Variants in PPP3CB observed in about 807,000 individuals in gnomAD.
PPP3CB encodes the protein protein phosphatase 3 catalytic subunit beta.
PPP3CB carries 8 observed loss-of-function variants against 66.4 expected under a neutral mutation model. The ratio of observed to expected loss-of-function variants is 0.12; its 90% CI spans 0.07 to 0.22. PPP3CB has a LOEUF of 0.22. PPP3CB is among the 10% of genes least tolerant of loss of function. The pLI is 1.00. For missense variants in PPP3CB, 319 were observed against 642.5 expected, an observed-to-expected ratio of 0.50 and a Z score of 5.44; for synonymous variants, 208 against 221.2, an observed-to-expected ratio of 0.94 and a Z score of 0.53.
intron 8 of PPP3CB, among the ~76,000 whole-genome samples, chr10:73,469,398 G>A (rs1477332375): frequency 6.6e-6 from 1 of 152,156 alleles, no homozygotes; most frequent in Non-Finnish European, 1.5e-5. Context: ...AAAATTAGCT[G>A]GGCGAGGTGG....
chr10:73,465,150 A>T (rs910477262), intron 9 of PPP3CB, among the ~76,000 whole-genome samples: 4 of 152,150 alleles, frequency 2.6e-5, no homozygotes, highest in Non-Finnish European at 5.9e-5. Context: ...TTGAAGATGA[A>T]TAATTGGTAT....
At chr10:73,444,415 A>G (rs2056212475) in intron 12 of PPP3CB, 5 of 657,368 alleles carry the variant, frequency 7.6e-6, no homozygotes, top group Non-Finnish European at 1.2e-5. Context: ...TTAAAAGAAA[A>G]GGGTGAATTA....
intron 9 of PPP3CB, among the ~76,000 whole-genome samples, chr10:73,462,213 G>C (rs963504695): frequency 6.8e-6 from 1 of 146,952 alleles, no homozygotes; most frequent in Non-Finnish European, 1.5e-5. Flanking sequence ...CAGTAGAGTG[G>C]AGTGATCAGC....
intron 10 of PPP3CB, among the ~76,000 whole-genome samples, chr10:73,453,656 T>C (rs1453607456): frequency 1.3e-5 from 2 of 152,210 alleles, no homozygotes; most frequent in African/African-American, 4.8e-5. Flanking sequence ...CATTGAAATA[T>C]TGATTACAAC....
intron 10 of PPP3CB, among the ~76,000 whole-genome samples, chr10:73,451,742 CTTT>C (rs765483729): frequency 8.0e-6 from 1 of 124,614 alleles, no homozygotes; most frequent in African/African-American, 2.9e-5. Context: ...TCACTCATCT[CTTT>C]TTTTTTTTTT....
chr10:73,458,916 C>A (rs1180049760), intron 9 of PPP3CB, among the ~76,000 whole-genome samples: 1 of 151,672 alleles, frequency 6.6e-6, no homozygotes, highest in East Asian at 1.9e-4. Context: ...CTAAAAAATA[C>A]AAAATTAGCC....
At chr10:73,474,237 T>G (rs951582377) in intron 4 of PPP3CB, among the ~76,000 whole-genome samples, 2 of 151,950 alleles carry the variant, frequency 1.3e-5, no homozygotes, top group African/African-American at 4.8e-5. Context: ...GATGGGGTTT[T>G]GCCGTGTTGG....
intron 9 of PPP3CB, among the ~76,000 whole-genome samples, chr10:73,463,121 A>C (rs1187241848): frequency 1.3e-5 from 2 of 152,054 alleles, no homozygotes; most frequent in African/African-American, 2.4e-5. Flanking sequence ...AAAATATCCA[A>C]GTCATCTCCA....
chr10:73,436,547 C>A lies in PPP3CB; in HGVS notation c.*1695G>T, dbSNP rs1216198706. 2 of 152,060 alleles carry A rather than the reference C, an allele frequency of 1.3e-5. No homozygotes were observed. The highest frequency in any genetic ancestry group is 4.8e-5 in the African/African-American group (2 of 41,414). The allele number at this position is 152,060 out of a possible 1,614,324, so 9.4% of individuals were successfully genotyped here. A position where few individuals can be genotyped will look rare whatever the true frequency, so the allele number is the denominator to read the frequency against. ...CAATTAAAAGACAATAAACAGTGAT[C>A]TTAAATATTAGACTTAGGAGGCCTA... is the stretch of plus-strand genomic sequence containing the variant. On this transcript the variant is annotated 3_prime_UTR_variant, in exon 14 of 14. Transcript: ENST00000360663.
intron 2 of PPP3CB, 102 bp downstream of exon 2, chr10:73,479,215 T>TA: frequency 9.4e-7 from 1 of 1,067,680 alleles, no homozygotes; most frequent in Admixed American, 2.1e-5. Context: ...GTCCAAGTAA[T>TA]ATTGATTTAG....
At chr10:73,446,187 C>T (rs1249675180) in intron 11 of PPP3CB, among the ~76,000 whole-genome samples, 1 of 151,434 alleles carries the variant, frequency 6.6e-6, no homozygotes, top group African/African-American at 2.4e-5. Flanking sequence ...GCAACTTCTG[C>T]CTCCTGGGTT....
At chr10:73,485,621 A>G (rs939205151) in intron 1 of PPP3CB, among the ~76,000 whole-genome samples, 1 of 152,020 alleles carries the variant, frequency 6.6e-6, no homozygotes, top group Non-Finnish European at 1.5e-5. Flanking sequence ...TTTTCTCTGT[A>G]TTTCTTTCCC....
At chr10:73,485,198 T>C (rs1253624667) in intron 1 of PPP3CB, among the ~76,000 whole-genome samples, 2 of 152,180 alleles carry the variant, frequency 1.3e-5, no homozygotes, top group African/African-American at 4.8e-5. Context: ...CATCTCTATA[T>C]AGTAACCAAT....
intron 5 of PPP3CB, 63 bp downstream of exon 5, chr10:73,471,405 T>G (rs2056699457): frequency 1.3e-6 from 2 of 1,498,554 alleles, no homozygotes; most frequent in Non-Finnish European, 1.8e-6. Context: ...GTTTGAAACT[T>G]CTGCTCTACT....
intron 8 of PPP3CB, among the ~76,000 whole-genome samples, chr10:73,468,067 T>C (rs1273751524): frequency 3.3e-5 from 5 of 152,188 alleles, no homozygotes; most frequent in African/African-American, 1.2e-4. Flanking sequence ...TCAAACAAAT[T>C]GAGAATTTAA....
At chr10:73,448,085 A>C (rs1350363372) in intron 10 of PPP3CB, among the ~76,000 whole-genome samples, 1 of 152,214 alleles carries the variant, frequency 6.6e-6, no homozygotes, top group Non-Finnish European at 1.5e-5. Flanking sequence ...ATGATTATAA[A>C]CATTTTGTTT....
chr10:73,441,747 G>C (rs926563982), intron 12 of PPP3CB, among the ~76,000 whole-genome samples: 1 of 152,102 alleles, frequency 6.6e-6, no homozygotes, highest in African/African-American at 2.4e-5. Flanking sequence ...GGTGAGGGTA[G>C]CATTACAGTG....
chr10:73,470,636 C>A, intron 8 of PPP3CB, 51 bp downstream of exon 8: 2 of 1,171,582 alleles, frequency 1.7e-6, no homozygotes, highest in Non-Finnish European at 1.2e-6. Context: ...TAAAAAAAGT[C>A]AATTAAAATA....
At chr10:73,468,840 T>C (rs1332892724) in intron 8 of PPP3CB, among the ~76,000 whole-genome samples, 1 of 152,112 alleles carries the variant, frequency 6.6e-6, no homozygotes. Context: ...AAAAAGAGTA[T>C]TTTAAATTAG....
Sources: gnomAD v4.1 joint callset for allele counts (sites outside exome capture counted in the v4.1 genomes callset) on GRCh38, gnomAD v4.1.1 for gene constraint, MANE v1.5 for transcripts, NCBI Gene and HGNC (gene_info 2026-07-23, HGNC 2026-07-21) for gene names.